Variants in ORC6 observed in about 807,000 individuals in gnomAD.
The protein encoded by ORC6 is origin recognition complex subunit 6, also known as origin recognition complex, subunit 6 homolog-like (yeast).
Under a neutral mutation model 30.0 loss-of-function variants are expected in ORC6, and 31 were observed. That is an observed-to-expected ratio of 1.03 (90% confidence interval 0.78 to 1.40). The LOEUF (loss-of-function observed/expected upper bound fraction) is 1.40. Ranked by LOEUF, ORC6 falls within the 40% of genes most tolerant of loss-of-function variation. The pLI, the probability that ORC6 is intolerant of heterozygous loss-of-function variation, is 0.00. For missense variants in ORC6, 340 were observed against 304.3 expected, an observed-to-expected ratio of 1.12 and a Z score of -0.87; for synonymous variants, 136 against 111.2, an observed-to-expected ratio of 1.22 and a Z score of -1.40.
intron 4 of ORC6, 149 bp downstream of exon 4, chr16:46,693,331 C>G: frequency 3.1e-6 from 2 of 649,460 alleles, no homozygotes; most frequent in South Asian, 3.5e-5. Flanking sequence ...TGACTATATT[C>G]CCAGTTTATC....
Position 46,695,676 on chromosome 16 carries a change from T to C in ORC6, c.562+2T>C. 1 of 1,561,632 alleles carries C rather than the reference T, an allele frequency of 6.4e-7. No individual in the cohort carries two copies. The highest frequency in any genetic ancestry group is 8.8e-7 in the Non-Finnish European group (1 of 1,132,140). The stretch of plus-strand genomic sequence containing the variant: ...AGAAGATTGGACAGCAGGTCGACAG[T>C]AAGTATTCTGTAGTTCAAGAATGCG... On this transcript the variant is annotated splice_donor_variant, in intron 5 of 6. Transcript: ENST00000219097. LOFTEE classifies it high-confidence loss of function.
chr16:46,694,795 T>C (rs1458042243), intron 4 of ORC6: 1 of 152,272 alleles, frequency 6.6e-6, no homozygotes, highest in Non-Finnish European at 1.5e-5. Flanking sequence ...CTTGGAAATA[T>C]TAGTAATTGT....
At chr16:46,696,395 C>T (rs1028200178) in intron 6 of ORC6, among the ~76,000 whole-genome samples, 4 of 152,116 alleles carry the variant, frequency 2.6e-5, no homozygotes, top group African/African-American at 9.7e-5. Context: ...TTGTCTTAAA[C>T]CTGGGCATGG....
chr16:46,689,818 CT>C, intron 1 of ORC6, 48 bp downstream of exon 1: 1 of 1,545,062 alleles, frequency 6.5e-7, no homozygotes, highest in Non-Finnish European at 8.7e-7. Context: ...CCTCGCGGCC[CT>C]GGGCCCTCAG....
rs1966403084 is a variant in ORC6 at position 46,689,732 on chromosome 16, A to AGCCCCGCGCCTGGGCCTC, written c.31_48dup (p.Pro11_Ala16dup). 1.2e-6 allele frequency: 2 copies of AGCCCCGCGCCTGGGCCTC among 1,602,522 alleles called. No individual in the cohort carries two copies. Among genetic ancestry groups the AGCCCCGCGCCTGGGCCTC allele is most frequent in the Non-Finnish European group, 8.5e-7 (1 of 1,174,930 alleles). On this transcript the variant is annotated inframe_insertion, in exon 1 of 7. Coordinates refer to ENST00000219097, the MANE Select transcript of ORC6 (RefSeq NM_014321.4). ...TGGGGTCGGAGCTGATCGGGCGCCT[A>AGCCCCGCGCCTGGGCCTC]GCCCCGCGCCTGGGCCTCGCCGAGC...
intron 1 of ORC6, 186 bp downstream of exon 1, chr16:46,689,956 A>T: frequency 1.3e-6 from 1 of 775,508 alleles, no homozygotes; most frequent in Non-Finnish European, 1.9e-6. Flanking sequence ...GATGGCAAGA[A>T]GGGCGATAGC....
intron 2 of ORC6, among the ~76,000 whole-genome samples, chr16:46,692,079 T>C (rs1014658859): frequency 1.3e-5 from 2 of 151,994 alleles, no homozygotes; most frequent in Non-Finnish European, 2.9e-5. Context: ...TAACCATCTG[T>C]GTGTTTCCTG....
intron 4 of ORC6, chr16:46,693,858 T>TA (rs1966484136): frequency 2.8e-5 from 4 of 140,388 alleles, no homozygotes; most frequent in Non-Finnish European, 6.2e-5. Context: ...TTTTATTTTT[T>TA]TTTTTTTAAT....
At chr16:46,695,508 G>T (rs2143010990) in intron 4 of ORC6, 54 bp from the exon 5 acceptor site, 1 of 1,070,336 alleles carries the variant, frequency 9.3e-7, no homozygotes, top group East Asian at 2.4e-5. Flanking sequence ...TGGTTGCCCA[G>T]AGAAGAAAAC....
chr16:46,691,026 A>G lies in ORC6; in HGVS notation c.101A>G (p.Lys34Arg). Residue 34 changes from lysine (K) to arginine (R), a missense_variant, in exon 2 of 7, where the codon AAG becomes AGG. Transcript: ENST00000219097. Reference protein sequence around the residue: ...AEEYLRLSRVKCVGLSARTTE... With the variant: ...AEEYLRLSRVRCVGLSARTTE... The stretch of plus-strand genomic sequence containing the variant: ...GAGTACTTGCGCCTGTCCCGGGTGA[A>G]GTGTGTCGGCCTCTCCGCACGCACC... 6.2e-7 allele frequency: 1 copy of G among 1,614,232 alleles called. No homozygotes were observed. Among genetic ancestry groups the G allele is most frequent in the Non-Finnish European group, 8.5e-7 (1 of 1,180,034 alleles).
rs749265660 is a variant in ORC6 at position 46,689,684 on chromosome 16, TGTTC to T, written c.-20_-17del. ...GTTGACCCGCGGCGTTCACGGGAATTGTTCGCTTTAGTGCCGGCGCCATGGGGTC... is the reference window on the plus strand; with the variant it reads ...GTTGACCCGCGGCGTTCACGGGAATTGCTTTAGTGCCGGCGCCATGGGGTC... On this transcript the variant is annotated 5_prime_UTR_variant, in exon 1 of 7. Coordinates refer to ENST00000219097, the MANE Select transcript of ORC6 (RefSeq NM_014321.4). 6.3e-7 allele frequency: 1 copy of T among 1,595,166 alleles called. No homozygotes were observed. The highest frequency in any genetic ancestry group is 1.1e-5 in the South Asian group (1 of 88,452).
Position 46,692,366 on chromosome 16 carries a change from G to C in ORC6, c.196-16G>C, listed in dbSNP as rs779727463. 55 of 1,606,220 alleles carry C rather than the reference G, an allele frequency of 3.4e-5. No homozygotes were observed. Among genetic ancestry groups the C allele is most frequent in the Non-Finnish European group, 4.7e-5 (55 of 1,173,576 alleles). On this transcript the variant is annotated splice_polypyrimidine_tract_variant and intron_variant, in intron 2 of 6. Coordinates refer to ENST00000219097, the MANE Select transcript of ORC6 (RefSeq NM_014321.4). ...TAAGGTTTTTATGATTTGTGTATGT[G>C]TTTTTCCTTTCACAGGCTTATTTAA...
intron 4 of ORC6, chr16:46,693,806 CTTTTTTTTTTT>C (rs1194005655): frequency 6.5e-5 from 3 of 46,092 alleles, no homozygotes; most frequent in Non-Finnish European, 1.4e-4. Flanking sequence ...AACACTGTCT[CTTTTTTTTTTT>C]TTTTTTTTTT....
At chr16:46,690,040 T>C (rs1485193768) in intron 1 of ORC6, among the ~76,000 whole-genome samples, 2 of 152,210 alleles carry the variant, frequency 1.3e-5, no homozygotes, top group South Asian at 2.1e-4. Flanking sequence ...GGGAGAACTT[T>C]CCGTTCATTC....
At position 46,697,717 on chromosome 16, in the gene ORC6, G is replaced by A. The variant is rs1433625856; in HGVS notation, c.*132G>A. The A allele has an allele frequency of 9.8e-7, 1 of 1,024,120 alleles. No individual in the cohort carries two copies. 63.4% of individuals were successfully genotyped at this position (1,024,120 alleles called of 1,614,324 possible). On this transcript the variant is annotated 3_prime_UTR_variant, in exon 7 of 7. Transcript: ENST00000219097. ...AAGACTGTTGCCTTTAAATAGCAAA[G>A]CAGCCTACCTGGAGGCTAAGTCTGG...
At chr16:46,691,888 T>A (rs2143010434) in intron 2 of ORC6, among the ~76,000 whole-genome samples, 1 of 151,822 alleles carries the variant, frequency 6.6e-6, no homozygotes. Flanking sequence ...CCACAGTGGA[T>A]CCTCCTGTTT....
rs780699794 is a variant in ORC6 at position 46,691,059 on chromosome 16, C to T, written c.134C>T (p.Thr45Ile). ...GGCCTCTCCGCACGCACCACGGAGA[C>T]CAGCAGTGCAGTCATGTGCCTGGAC... Reference protein sequence around the residue: ...CVGLSARTTETSSAVMCLDLA... With the variant: ...CVGLSARTTEISSAVMCLDLA... Residue 45 changes from threonine (T) to isoleucine (I), a missense_variant, in exon 2 of 7, where the codon ACC becomes ATC. Physicochemically the swap from Thr to Ile is moderately conservative, Grantham distance 89. Transcript: ENST00000219097. 1 of 1,613,884 alleles carries T rather than the reference C, an allele frequency of 6.2e-7. No homozygotes were observed. The highest frequency in any genetic ancestry group is 1.1e-5 in the South Asian group (1 of 91,076).
At chr16:46,691,958 A>ACACACACACACTCTCTCTCTCTCTCT in intron 2 of ORC6, among the ~76,000 whole-genome samples, 68 of 36,652 alleles carry the variant, frequency 1.9e-3, no homozygotes, top group East Asian at 8.0e-3. Context: ...ACACACACAC[A>ACACACACACACTCTCTCTCTCTCTCT]CTCTCTCTCT....
intron 1 of ORC6, chr16:46,690,642 A>G (rs1966424296): frequency 2.8e-6 from 1 of 356,004 alleles, no homozygotes; most frequent in Non-Finnish European, 5.5e-6. Flanking sequence ...CATCAAGTTT[A>G]AGAACTACTG....
Sources: allele counts gnomAD v4.1 joint callset (sites outside exome capture counted in the v4.1 genomes callset), GRCh38; gene constraint gnomAD v4.1.1; transcripts MANE v1.5; gene names NCBI Gene and HGNC (gene_info 2026-07-23, HGNC 2026-07-21).